The following TGFBR3 variants were observed in gnomAD, a reference collection of about 807,000 sequenced individuals.
The protein encoded by TGFBR3 is transforming growth factor beta receptor 3.
A neutral mutation model predicts 87.9 loss-of-function variants in TGFBR3; 46 were observed. That is an observed-to-expected ratio of 0.52 (90% confidence interval 0.41 to 0.67). TGFBR3 has a LOEUF of 0.67. TGFBR3 is among the 30% of genes least tolerant of loss of function. The probability of loss-of-function intolerance (pLI) is 0.00; values close to 1 mark genes in which losing one functional copy is unlikely to be tolerated. For missense variants in TGFBR3, 866 were observed against 1,041.9 expected, an observed-to-expected ratio of 0.83 and a Z score of 2.32; for synonymous variants, 381 against 391.6, an observed-to-expected ratio of 0.97 and a Z score of 0.32.
intron 2 of TGFBR3, among the ~76,000 whole-genome samples, chr1:91,801,819 T>C (rs1373836245): frequency 6.6e-6 from 1 of 152,132 alleles, no homozygotes; most frequent in East Asian, 1.9e-4. Context: ...GAGAGCAAAT[T>C]GGTATAATTT....
rs1674450801 is a variant in TGFBR3 at position 91,773,324 on chromosome 1, C to T, written c.247-14574G>A. On this transcript the variant is annotated intron_variant, in intron 3 of 16. Transcript: ENST00000212355. The stretch of plus-strand genomic sequence containing the variant: ...AAAGGTTAGACTCTATCTCTATGGC[C>T]ACCTATAAATCTAGAGCCTATGGTT... 2.6e-5 allele frequency among the ~76,000 whole-genome samples: 4 copies of T among 151,942 alleles called. No homozygotes were observed. In the South Asian group the frequency reaches 8.3e-4, roughly 32 times the overall value.
intron 14 of TGFBR3, among the ~76,000 whole-genome samples, chr1:91,706,659 AG>A (rs1671810814): frequency 6.6e-6 from 1 of 152,168 alleles, no homozygotes; most frequent in Admixed American, 6.5e-5. Flanking sequence ...CTGTCTATGG[AG>A]TAGCCATTCT....
At chr1:91,771,297 T>C (rs1320053884) in intron 3 of TGFBR3, among the ~76,000 whole-genome samples, 4 of 152,212 alleles carry the variant, frequency 2.6e-5, no homozygotes, top group African/African-American at 9.6e-5. Flanking sequence ...ATAATAAGAA[T>C]GTTTTAAGAT....
intron 3 of TGFBR3, among the ~76,000 whole-genome samples, chr1:91,784,150 C>G (rs1674873698): frequency 6.6e-6 from 1 of 152,032 alleles, no homozygotes; most frequent in Non-Finnish European, 1.5e-5. Context: ...CAAAGATCTG[C>G]AGTTTAGAGT....
At chr1:91,775,329 C>G (rs1674529457) in intron 3 of TGFBR3, among the ~76,000 whole-genome samples, 1 of 152,226 alleles carries the variant, frequency 6.6e-6, no homozygotes, top group African/African-American at 2.4e-5. Context: ...CCAATCGCAC[C>G]TCCCACCACT....
chr1:91,749,177 TC>T (rs1203851593), intron 4 of TGFBR3, among the ~76,000 whole-genome samples: 5 of 152,134 alleles, frequency 3.3e-5, no homozygotes, highest in African/African-American at 1.2e-4. Context: ...TGAACATCAC[TC>T]TGCCATCTGT....
chr1:91,871,132 G>A (rs1024148319), intron 1 of TGFBR3, among the ~76,000 whole-genome samples: 3 of 151,820 alleles, frequency 2.0e-5, no homozygotes, highest in African/African-American at 7.3e-5. Flanking sequence ...CTAATTCCAC[G>A]CCCATGCTCT....
chr1:91,862,834 G>A (rs1284582918), intron 1 of TGFBR3, among the ~76,000 whole-genome samples: 1 of 152,210 alleles, frequency 6.6e-6, no homozygotes, highest in African/African-American at 2.4e-5. Context: ...ATTTCCGGGA[G>A]CCATCTCACA....
At chr1:91,749,228 G>C (rs1673451617) in intron 4 of TGFBR3, among the ~76,000 whole-genome samples, 1 of 152,164 alleles carries the variant, frequency 6.6e-6, no homozygotes, top group Admixed American at 6.5e-5. Context: ...CAGGCTCTCT[G>C]TGATAAAGAT....
upstream of TGFBR3, among the ~76,000 whole-genome samples, chr1:91,887,446 G>C (rs1679356633): frequency 6.6e-6 from 1 of 151,482 alleles, no homozygotes; most frequent in African/African-American, 2.4e-5. Context: ...AGAGGGGGTT[G>C]GCAGGGCGGG....
chr1:91,871,565 G>A (rs1418017860), intron 1 of TGFBR3, among the ~76,000 whole-genome samples: 1 of 152,188 alleles, frequency 6.6e-6, no homozygotes, highest in East Asian at 1.9e-4. Context: ...AGGAGAGAGA[G>A]TGATGACAGG....
Position 91,716,608 on chromosome 1 carries a change from T to G in TGFBR3, c.1667A>C (p.Glu556Ala). 6.2e-7 allele frequency: 1 copy of G among 1,614,160 alleles called. No homozygotes were observed. The highest frequency in any genetic ancestry group is 8.5e-7 in the Non-Finnish European group (1 of 1,180,032). ...GDNGFPGDMD[E>A]GDASLFTRPE... ...TCGGGTGAACAGGGAAGCATCTCCT[T>G]CATCCATATCTCCCGGAAATCCATT... Residue 556 changes from glutamate to alanine, a missense_variant, in exon 11 of 17, where the codon GAA (glutamate) becomes GCA (alanine). Physicochemically the swap from Glu to Ala is moderately radical, Grantham distance 107 (BLOSUM62 -1). Coordinates refer to ENST00000212355, the MANE Select transcript of TGFBR3 (RefSeq NM_003243.5).
intron 1 of TGFBR3, among the ~76,000 whole-genome samples, chr1:91,900,045 T>A (rs1679657066): frequency 6.7e-6 from 1 of 149,328 alleles, no homozygotes; most frequent in Non-Finnish European, 1.5e-5. Flanking sequence ...TTGGAGTAGT[T>A]AAAAAAAAAA....
chr1:91,827,379 C>A (rs190547840), intron 2 of TGFBR3, among the ~76,000 whole-genome samples: 76 of 152,304 alleles, frequency 5.0e-4, no homozygotes, highest in African/African-American at 1.8e-3. Flanking sequence ...TAACTGGGAT[C>A]AAGTCCTTGG....
intron 2 of TGFBR3, among the ~76,000 whole-genome samples, chr1:91,858,476 G>A (rs1678047317): frequency 6.6e-6 from 1 of 151,554 alleles, no homozygotes; most frequent in Admixed American, 6.6e-5. Context: ...TTAGCTGGGC[G>A]TGGCAGCGTG....
At chr1:91,887,940 C>T (rs1679369533), upstream of TGFBR3, among the ~76,000 whole-genome samples, 1 of 152,182 alleles carries the variant, frequency 6.6e-6, no homozygotes, top group South Asian at 2.1e-4. Context: ...TAAGATTTCT[C>T]CTAGACTCAA....
chr1:91,882,834 T>C (rs370932742), intron 1 of TGFBR3, among the ~76,000 whole-genome samples: 8 of 152,298 alleles, frequency 5.3e-5, no homozygotes, highest in South Asian at 4.1e-4. Flanking sequence ...TGAGTATTCA[T>C]AGACACATCA....
intron 14 of TGFBR3, among the ~76,000 whole-genome samples, chr1:91,698,830 T>C (rs542954869): frequency 3.5e-4 from 53 of 152,366 alleles, no homozygotes; most frequent in African/African-American, 1.3e-3. Context: ...TTTAATTTAA[T>C]ATACACATTT....
chr1:91,758,089 T>C (rs1475839021), intron 4 of TGFBR3, among the ~76,000 whole-genome samples: 1 of 152,238 alleles, frequency 6.6e-6, no homozygotes, highest in Non-Finnish European at 1.5e-5. Flanking sequence ...AGGTAATATT[T>C]GGATCTTTCG....
Sources: gnomAD v4.1 joint callset for allele counts (sites outside exome capture counted in the v4.1 genomes callset) on GRCh38, gnomAD v4.1.1 for gene constraint, MANE v1.5 for transcripts, NCBI Gene and HGNC (gene_info 2026-07-23, HGNC 2026-07-21) for gene names.